The following CSMD1 variants were observed in gnomAD, a reference collection of about 807,000 sequenced individuals.
The protein encoded by CSMD1 is CUB and sushi domain-containing protein 1.
In CSMD1, 213 loss-of-function variants were observed where a neutral mutation model predicts 417.5. That is an observed-to-expected ratio of 0.51 (90% CI 0.46 to 0.57). The LOEUF is 0.57. CSMD1 is among the 20% of genes least tolerant of loss of function. CSMD1 has a pLI of 0.00. For synonymous variants in CSMD1, 2,862 were observed against 1,736.8 expected (o/e 1.65, Z -16.11); for missense variants, 6,923 against 4,529.7 (o/e 1.53, Z -15.17).
intron 1 of CSMD1, among the ~76,000 whole-genome samples, chr8:4,759,974 T>C (rs1375681848): frequency 6.6e-6 from 1 of 152,232 alleles, no homozygotes; most frequent in Non-Finnish European, 1.5e-5. Context: ...TTTAGAACTT[T>C]GAGGAATCAC....
At position 3,418,254 on chromosome 8, in the gene CSMD1, C is replaced by G. The variant is rs183804996; in HGVS notation, c.1562-8649G>C. 3.3e-5 allele frequency among the ~76,000 whole-genome samples: 5 copies of G among 152,106 alleles called. No homozygotes were observed. In the East Asian group the frequency reaches 9.7e-4, roughly 29 times the overall value. Reference sequence around the variant, plus strand: ...TGTGAAATGCTGGACTCTGGAAATTCGGGCTATAAGTAACCACAGAAATGA... The same window carrying G: ...TGTGAAATGCTGGACTCTGGAAATTGGGGCTATAAGTAACCACAGAAATGA... On this transcript the variant is annotated intron_variant, in intron 12 of 69. Transcript: ENST00000635120.
At chr8:3,235,335 T>C (rs1799086203) in intron 26 of CSMD1, among the ~76,000 whole-genome samples, 1 of 152,196 alleles carries the variant, frequency 6.6e-6, no homozygotes, top group South Asian at 2.1e-4. Context: ...AGAAAAGATA[T>C]ATAATACTCA....
intron 46 of CSMD1, among the ~76,000 whole-genome samples, chr8:3,106,017 G>A (rs1268557970): frequency 6.6e-6 from 1 of 152,052 alleles, no homozygotes; most frequent in Non-Finnish European, 1.5e-5. Context: ...TTATTTTCTA[G>A]GACTAGATAA....
At chr8:4,376,420 T>G (rs542566112) in intron 3 of CSMD1, among the ~76,000 whole-genome samples, 1 of 152,218 alleles carries the variant, frequency 6.6e-6, no homozygotes. Context: ...GCATATTTTT[T>G]TCTTTACGTT....
chr8:4,546,196 G>T (rs1797623793), intron 2 of CSMD1, among the ~76,000 whole-genome samples: 1 of 152,118 alleles, frequency 6.6e-6, no homozygotes, highest in Admixed American at 6.5e-5. Flanking sequence ...TATATCTACG[G>T]GCCTTGGCCC....
chr8:4,340,927 C>G (rs1563072885), intron 3 of CSMD1, among the ~76,000 whole-genome samples: 1 of 151,996 alleles, frequency 6.6e-6, no homozygotes, highest in Non-Finnish European at 1.5e-5. Flanking sequence ...GGAGAGATTT[C>G]TAGGCCTGAG....
chr8:4,261,555 TTTTTA>T (rs1337535271), intron 3 of CSMD1, among the ~76,000 whole-genome samples: 1 of 152,122 alleles, frequency 6.6e-6, no homozygotes, highest in African/African-American at 2.4e-5. Context: ...AGAGTAGATC[TTTTTA>T]TTTATTTTAT....
chr8:2,946,486 G>C (rs148478659), intron 68 of CSMD1, among the ~76,000 whole-genome samples: 5 of 152,290 alleles, frequency 3.3e-5, no homozygotes, highest in Non-Finnish European at 7.3e-5. Context: ...TGGATTCATA[G>C]ACTATTTGGC....
chr8:4,897,019 C>T (rs1420530070), intron 1 of CSMD1, among the ~76,000 whole-genome samples: 2 of 152,044 alleles, frequency 1.3e-5, no homozygotes. Flanking sequence ...TTCTCTTTTC[C>T]CATGACAGTT....
intron 37 of CSMD1, among the ~76,000 whole-genome samples, chr8:3,171,543 G>C (rs1328276004): frequency 6.6e-6 from 1 of 152,094 alleles, no homozygotes; most frequent in Non-Finnish European, 1.5e-5. Flanking sequence ...CTTATTCCAT[G>C]TCTAGACTCT....
At chr8:3,349,901 T>C (rs2117650526) in intron 21 of CSMD1, among the ~76,000 whole-genome samples, 1 of 91,172 alleles carries the variant, frequency 1.1e-5, no homozygotes, top group African/African-American at 4.0e-5. Context: ...TTATAATATA[T>C]ATTTATATAT....
At chr8:3,234,617 G>A (rs1799041617) in intron 26 of CSMD1, among the ~76,000 whole-genome samples, 1 of 152,166 alleles carries the variant, frequency 6.6e-6, no homozygotes, top group East Asian at 1.9e-4. Flanking sequence ...TGCAAAGACT[G>A]GAACACAGGG....
At chr8:4,495,030 C>G (rs1242649271) in intron 2 of CSMD1, among the ~76,000 whole-genome samples, 1 of 152,018 alleles carries the variant, frequency 6.6e-6, no homozygotes, top group Non-Finnish European at 1.5e-5. Context: ...CAAGAGATCA[C>G]TTAGAACGTG....
chr8:4,561,577 G>A (rs1367373417), intron 2 of CSMD1, among the ~76,000 whole-genome samples: 1 of 152,130 alleles, frequency 6.6e-6, no homozygotes, highest in African/African-American at 2.4e-5. Context: ...AGCTACTCAG[G>A]AGGCTGAAGT....
At chr8:4,083,012 C>T (rs1301151418) in intron 3 of CSMD1, among the ~76,000 whole-genome samples, 1 of 151,908 alleles carries the variant, frequency 6.6e-6, no homozygotes, top group African/African-American at 2.4e-5. Flanking sequence ...TCCAGTCTAT[C>T]ATTGTTGGAC....
intron 3 of CSMD1, among the ~76,000 whole-genome samples, chr8:4,339,731 G>C (rs143361603): frequency 9.9e-5 from 15 of 152,138 alleles, no homozygotes; most frequent in African/African-American, 2.7e-4. Flanking sequence ...GACGGTATAC[G>C]AAGTAGAAAA....
At chr8:4,467,263 A>G (rs549202751) in intron 2 of CSMD1, among the ~76,000 whole-genome samples, 1 of 152,324 alleles carries the variant, frequency 6.6e-6, no homozygotes, top group African/African-American at 2.4e-5. Flanking sequence ...ATCTACTTCA[A>G]TTCGTGTTCA....
chr8:4,373,326 G>A (rs531416539), intron 3 of CSMD1, among the ~76,000 whole-genome samples: 1 of 152,186 alleles, frequency 6.6e-6, no homozygotes, highest in African/African-American at 2.4e-5. Flanking sequence ...AAGAAAGTAT[G>A]CGACATAGGA....
At chr8:3,238,093 C>T (rs1025085965) in intron 26 of CSMD1, among the ~76,000 whole-genome samples, 86 of 151,864 alleles carry the variant, frequency 5.7e-4, no homozygotes, top group African/African-American at 2.0e-3. Context: ...AAAAGAGAGT[C>T]ACCGAAGGGA....
Sources: allele counts gnomAD v4.1 joint callset (sites outside exome capture counted in the v4.1 genomes callset), GRCh38; gene constraint gnomAD v4.1.1; transcripts MANE v1.5; gene names NCBI Gene and HGNC (gene_info 2026-07-23, HGNC 2026-07-21).